LRRC49: variants seen among roughly 807,000 people sequenced by gnomAD.
LRRC49 encodes the protein leucine rich repeat containing 49, also known as leucine-rich repeat-containing protein 49.
In LRRC49, 50 loss-of-function variants were observed where a neutral mutation model predicts 83.3. That is an observed-to-expected ratio of 0.60 (90% CI 0.48 to 0.76). The LOEUF (loss-of-function observed/expected upper bound fraction) is 0.76. Among genes scored for constraint, LRRC49 ranks in the 30% least tolerant of loss-of-function variants. The pLI is 0.00. For missense variants in LRRC49, 704 were observed against 809.1 expected, an observed-to-expected ratio of 0.87 and a Z score of 1.58; for synonymous variants, 286 against 283.3, an observed-to-expected ratio of 1.01 and a Z score of -0.10.
chr15:70,891,547 C>A (rs1229874728), upstream of LRRC49, among the ~76,000 whole-genome samples: 3 of 149,962 alleles, frequency 2.0e-5, no homozygotes, highest in African/African-American at 7.4e-5. Flanking sequence ...AAGCAACTCA[C>A]TACTCTGCAG....
At chr15:70,871,066 G>A (rs1278750686) in intron 1 of LRRC49, among the ~76,000 whole-genome samples, 1 of 151,654 alleles carries the variant, frequency 6.6e-6, no homozygotes, top group African/African-American at 2.4e-5. Context: ...ATGTGAACAA[G>A]GGTCTGTGGT....
chr15:70,976,734 G>A (rs2037219925), intron 9 of LRRC49, among the ~76,000 whole-genome samples: 2 of 151,882 alleles, frequency 1.3e-5, no homozygotes, highest in Non-Finnish European at 2.9e-5. Flanking sequence ...TTTTTGCTAT[G>A]TAAAGGATAT....
At chr15:70,862,577 CAAAAAAAAAAAAA>C (rs10623501) in intron 1 of LRRC49, among the ~76,000 whole-genome samples, 1 of 61,748 alleles carries the variant, frequency 1.6e-5, no homozygotes, top group Admixed American at 2.2e-4. Context: ...GACTCCGTCT[CAAAAAAAAAAAAA>C]AAAAAAAAAA....
At chr15:71,015,280 G>T (rs1449468341) in intron 14 of LRRC49, among the ~76,000 whole-genome samples, 2 of 152,116 alleles carry the variant, frequency 1.3e-5, no homozygotes, top group African/African-American at 4.8e-5. Flanking sequence ...GATATGCAGC[G>T]GCAGTCCTCA....
intron 1 of LRRC49, among the ~76,000 whole-genome samples, chr15:70,871,491 C>T (rs902936025): frequency 6.6e-6 from 1 of 152,210 alleles, no homozygotes; most frequent in Non-Finnish European, 1.5e-5. Context: ...CAGGTGGCGG[C>T]CGGGCAGAGG....
chr15:70,869,402 C>T (rs1163692390), intron 1 of LRRC49, among the ~76,000 whole-genome samples: 1 of 152,164 alleles, frequency 6.6e-6, no homozygotes, highest in Non-Finnish European at 1.5e-5. Context: ...ATATTTAAAC[C>T]AAATGATCCC....
chr15:70,936,262 T>A (rs1300345293), intron 7 of LRRC49, among the ~76,000 whole-genome samples: 4 of 152,164 alleles, frequency 2.6e-5, no homozygotes, highest in African/African-American at 9.7e-5. Context: ...GGGGAATCAT[T>A]AGTGTATTGG....
chr15:71,020,830 T>C (rs1158422634), intron 14 of LRRC49, among the ~76,000 whole-genome samples: 1 of 152,212 alleles, frequency 6.6e-6, no homozygotes, highest in Non-Finnish European at 1.5e-5. Flanking sequence ...ATAAAGCTTA[T>C]AATTAAGGCA....
intron 1 of LRRC49, 156 bp downstream of exon 1, chr15:70,893,098 G>A: frequency 1.3e-6 from 1 of 793,446 alleles, no homozygotes; most frequent in Non-Finnish European, 2.1e-6. Context: ...GCTGGACCAA[G>A]GCACAATTTA....
At chr15:71,001,611 TTA>T (rs1364475247) in intron 11 of LRRC49, among the ~76,000 whole-genome samples, 1 of 152,184 alleles carries the variant, frequency 6.6e-6, no homozygotes, top group African/African-American at 2.4e-5. Context: ...TGTTGTGGGT[TTA>T]TGTCTTTTTC....
At chr15:70,956,074 G>GAGTA (rs2036390671) in intron 8 of LRRC49, among the ~76,000 whole-genome samples, 1 of 152,116 alleles carries the variant, frequency 6.6e-6, no homozygotes, top group African/African-American at 2.4e-5. Context: ...TGGTATAAAA[G>GAGTA]AGTAAAAGCC....
intron 11 of LRRC49, among the ~76,000 whole-genome samples, chr15:71,002,002 A>G (rs1567093156): frequency 6.6e-6 from 1 of 152,098 alleles, no homozygotes; most frequent in Non-Finnish European, 1.5e-5. Context: ...TCTATCTGCT[A>G]TTTTTATCTG....
intron 11 of LRRC49, among the ~76,000 whole-genome samples, chr15:70,985,074 G>A (rs370985847): frequency 4.9e-5 from 7 of 141,732 alleles, no homozygotes; most frequent in Admixed American, 1.5e-4. Context: ...ATTGTGAATA[G>A]TGCCGCAATA....
chr15:70,907,180 C>G (rs901495295), intron 5 of LRRC49, among the ~76,000 whole-genome samples: 1 of 152,210 alleles, frequency 6.6e-6, no homozygotes, highest in Non-Finnish European at 1.5e-5. Context: ...TACCCTGTCT[C>G]TTCATGCATT....
intron 9 of LRRC49, 48 bp from the exon 10 acceptor site, chr15:70,980,053 A>C (rs542051482): frequency 8.1e-7 from 1 of 1,239,474 alleles, no homozygotes; most frequent in African/African-American, 1.5e-5. Context: ...ATTTAGCATT[A>C]AAAAATGGTT....
intron 1 of LRRC49, among the ~76,000 whole-genome samples, chr15:70,864,501 C>T (rs1483003547): frequency 6.6e-6 from 1 of 152,142 alleles, no homozygotes; most frequent in East Asian, 1.9e-4. Flanking sequence ...TGCCTTTCCA[C>T]CCTCATCTCA....
At chr15:70,871,143 GT>G (rs1056237305) in intron 1 of LRRC49, among the ~76,000 whole-genome samples, 120 of 152,000 alleles carry the variant, frequency 7.9e-4, no homozygotes, top group African/African-American at 2.8e-3. Context: ...AGATTAGGGA[GT>G]GGTGATGACT....
intron 15 of LRRC49, among the ~76,000 whole-genome samples, chr15:71,042,964 T>C (rs1322755972): frequency 6.6e-6 from 1 of 152,188 alleles, no homozygotes; most frequent in African/African-American, 2.4e-5. Context: ...TCTCTCAAGT[T>C]TTCTTGACCA....
chr15:70,893,635 A>C lies in LRRC49; in HGVS notation c.100A>C (p.Asn34His). 1.2e-6 allele frequency: 2 copies of C among 1,609,916 alleles called. No individual in the cohort carries two copies. The highest frequency in any genetic ancestry group is 2.2e-5 in the South Asian group (2 of 90,152). The part of the protein sequence containing the change: ...VIQTSSLPEK[N>H]KVEFKLNKDT... ...TCAAACATCATCGCTTCCTGAAAAA[A>C]ACAAAGTAAGATTTAAGAAGGTTGG... The change falls in exon 2 of 16, where the codon AAC becomes CAC. Residue 34 changes from asparagine to histidine, a missense_variant. Physicochemically the swap from Asn to His is moderately conservative, Grantham distance 68. Coordinates refer to ENST00000260382, the MANE Select transcript of LRRC49 (RefSeq NM_017691.5).
Sources: gnomAD v4.1 joint callset for allele counts (sites outside exome capture counted in the v4.1 genomes callset) on GRCh38, gnomAD v4.1.1 for gene constraint, MANE v1.5 for transcripts, NCBI Gene and HGNC (gene_info 2026-07-23, HGNC 2026-07-21) for gene names.